Variants in IL1RAPL2 observed in about 807,000 individuals in gnomAD.
IL1RAPL2 encodes X-linked interleukin-1 receptor accessory protein-like 2.
In IL1RAPL2, 3 loss-of-function variants were observed where a neutral mutation model predicts 44.1. The observed-to-expected ratio is 0.07, with a 90% CI of 0.03 to 0.18. The LOEUF (loss-of-function observed/expected upper bound fraction) is 0.18, where lower values mean the gene tolerates loss of function less well. Ranked by LOEUF, IL1RAPL2 falls within the 10% of genes least tolerant of loss-of-function variation. The probability of loss-of-function intolerance (pLI) is 1.00; values close to 1 mark genes in which losing one functional copy is unlikely to be tolerated. For synonymous variants in IL1RAPL2, 181 were observed against 178.8 expected (o/e 1.01, Z -0.10); for missense variants, 391 against 496.4 (o/e 0.79, Z 2.02).
chrX:105,276,982 G>A (rs1477076978), intron 5 of IL1RAPL2, among the ~76,000 whole-genome samples: 1 of 111,719 alleles, frequency 9.0e-6, no homozygotes, highest in African/African-American at 3.3e-5. Flanking sequence ...AATACTATGG[G>A]ACGGGTATTG....
intron 7 of IL1RAPL2, among the ~76,000 whole-genome samples, chrX:105,721,616 T>C (rs1900083405): frequency 9.0e-6 from 1 of 111,414 alleles, no homozygotes; most frequent in African/African-American, 3.3e-5. Flanking sequence ...AGCAAATGAT[T>C]AGAGTTGGTG....
intron 5 of IL1RAPL2, among the ~76,000 whole-genome samples, chrX:105,306,620 T>C (rs1456622656): frequency 8.9e-6 from 1 of 111,840 alleles, no homozygotes; most frequent in African/African-American, 3.3e-5. Context: ...TTGCCTCATG[T>C]TTCCTCCTAA....
At chrX:105,289,611 A>G (rs1356412604) in intron 5 of IL1RAPL2, among the ~76,000 whole-genome samples, 2 of 111,808 alleles carry the variant, frequency 1.8e-5, no homozygotes, top group Admixed American at 9.6e-5. Flanking sequence ...GTCACAGGCA[A>G]ATCCAGATTT....
At chrX:105,092,150 A>AGAAGAT (rs1027771392) in intron 2 of IL1RAPL2, among the ~76,000 whole-genome samples, 1 of 110,830 alleles carries the variant, frequency 9.0e-6, no homozygotes, top group African/African-American at 3.3e-5. Flanking sequence ...TTTAGAAATT[A>AGAAGAT]GAAGATTGAG....
intron 5 of IL1RAPL2, among the ~76,000 whole-genome samples, chrX:105,365,325 C>G (rs1210802986): frequency 9.0e-6 from 1 of 111,314 alleles, no homozygotes; most frequent in Non-Finnish European, 1.9e-5. Context: ...AGGCTTTTTG[C>G]TTCTATGTTC....
chrX:104,594,175 G>T (rs1602635044), intron 1 of IL1RAPL2, among the ~76,000 whole-genome samples: 2 of 111,602 alleles, frequency 1.8e-5, no homozygotes, highest in Middle Eastern at 4.6e-3. Context: ...TCTTATTCAG[G>T]TCTGTATCCC....
intron 1 of IL1RAPL2, among the ~76,000 whole-genome samples, chrX:104,650,226 A>C (rs1238994003): frequency 8.9e-6 from 1 of 111,864 alleles, no homozygotes; most frequent in Non-Finnish European, 1.9e-5. Flanking sequence ...TTTTAGGAAA[A>C]AAAGTAATTT....
At chrX:104,765,918 G>A (rs1932544580) in intron 2 of IL1RAPL2, among the ~76,000 whole-genome samples, 1 of 112,117 alleles carries the variant, frequency 8.9e-6, no homozygotes, top group African/African-American at 3.2e-5. Context: ...ATTGAGCATG[G>A]GATATCATCT....
At chrX:104,884,925 A>G (rs1374645874) in intron 2 of IL1RAPL2, among the ~76,000 whole-genome samples, 1 of 111,029 alleles carries the variant, frequency 9.0e-6, no homozygotes, top group Non-Finnish European at 1.9e-5. Flanking sequence ...AAAAACCCCC[A>G]GGCTATCGGT....
chrX:105,160,146 T>C (rs1465742282), intron 2 of IL1RAPL2, among the ~76,000 whole-genome samples: 1 of 110,638 alleles, frequency 9.0e-6, no homozygotes, highest in Non-Finnish European at 1.9e-5. Flanking sequence ...TTCACCAACT[T>C]TTGTTGCCTG....
intron 2 of IL1RAPL2, among the ~76,000 whole-genome samples, chrX:104,938,081 A>C (rs1925068897): frequency 8.9e-6 from 1 of 112,538 alleles, no homozygotes; most frequent in African/African-American, 3.2e-5. Context: ...TTAAACACAA[A>C]GCTTGAAAAG....
At chrX:105,361,536 G>A (rs2035247640) in intron 5 of IL1RAPL2, among the ~76,000 whole-genome samples, 1 of 111,405 alleles carries the variant, frequency 9.0e-6, no homozygotes, top group Admixed American at 9.6e-5. Context: ...AATAAGATAA[G>A]GTCAAGTTTG....
chrX:104,932,546 T>G (rs981873129), intron 2 of IL1RAPL2, among the ~76,000 whole-genome samples: 1 of 111,459 alleles, frequency 9.0e-6, no homozygotes, highest in Admixed American at 9.6e-5. Flanking sequence ...TATAAAAGAC[T>G]ACAACAATGG....
At chrX:104,827,309 A>T (rs1176465119) in intron 2 of IL1RAPL2, among the ~76,000 whole-genome samples, 2 of 111,051 alleles carry the variant, frequency 1.8e-5, no homozygotes, top group East Asian at 5.6e-4. Flanking sequence ...AGTTCTTCTA[A>T]GGCAGGCCTG....
chrX:105,100,463 T>A (rs1177993051), intron 2 of IL1RAPL2, among the ~76,000 whole-genome samples: 1 of 111,579 alleles, frequency 9.0e-6, no homozygotes, highest in Non-Finnish European at 1.9e-5. Flanking sequence ...CAGTTTGGGG[T>A]CTAGAGTATC....
chrX:104,585,260 TATATA>T (rs1420436002), intron 1 of IL1RAPL2, among the ~76,000 whole-genome samples: 5 of 28,504 alleles, frequency 1.8e-4, no homozygotes, highest in African/African-American at 1.2e-3. Flanking sequence ...ATATAATATA[TATATA>T]ATATATTATA....
intron 2 of IL1RAPL2, among the ~76,000 whole-genome samples, chrX:104,664,005 C>T (rs1428095860): frequency 9.1e-6 from 1 of 110,024 alleles, no homozygotes; most frequent in Non-Finnish European, 1.9e-5. Context: ...GTTTAAAATA[C>T]TTAATATCAT....
intron 1 of IL1RAPL2, among the ~76,000 whole-genome samples, chrX:104,597,873 A>G (rs913308002): frequency 1.8e-5 from 2 of 111,936 alleles, no homozygotes; most frequent in Non-Finnish European, 3.8e-5. Flanking sequence ...TACCTATTGA[A>G]CATCAAATGA....
chrX:105,419,293 T>C (rs2035757045), intron 5 of IL1RAPL2, among the ~76,000 whole-genome samples: 1 of 111,980 alleles, frequency 8.9e-6, no homozygotes, highest in African/African-American at 3.2e-5. Context: ...TTAATAATAT[T>C]TTTTGAAACC....
Sources: allele counts gnomAD v4.1 joint callset (sites outside exome capture counted in the v4.1 genomes callset), GRCh38; gene constraint gnomAD v4.1.1; transcripts MANE v1.5; gene names NCBI Gene and HGNC (gene_info 2026-07-23, HGNC 2026-07-21).